OSBPL3: variants seen among roughly 807,000 people sequenced by gnomAD.
The protein encoded by OSBPL3 is oxysterol binding protein like 3.
OSBPL3 carries 65 observed loss-of-function variants against 120.1 expected under a neutral mutation model. The ratio of observed to expected loss-of-function variants is 0.54; its 90% CI spans 0.44 to 0.67. OSBPL3 has a LOEUF of 0.67. Among genes scored for constraint, OSBPL3 ranks in the 30% least tolerant of loss-of-function variants. OSBPL3 has a pLI of 0.00. For synonymous variants in OSBPL3, 416 were observed against 402.6 expected (o/e 1.03, Z -0.40); for missense variants, 1,004 against 1,082.1 (o/e 0.93, Z 1.01).
intron 1 of OSBPL3, among the ~76,000 whole-genome samples, chr7:24,908,533 C>T (rs993303436): frequency 6.6e-6 from 1 of 152,166 alleles, no homozygotes; most frequent in African/African-American, 2.4e-5. Context: ...CTAGATTTCC[C>T]CAAGACTGCT....
Position 24,818,924 on chromosome 7 carries a change from C to A in OSBPL3, c.1948+1251G>T, listed in dbSNP as rs546813190. Reference sequence around the variant, plus strand: ...GGGAAGGATGTAACACAGGAGCACACAAAACTACTTTGAGAAGACCCCTCG... The same window carrying A: ...GGGAAGGATGTAACACAGGAGCACAAAAAACTACTTTGAGAAGACCCCTCG... On this transcript the variant is annotated intron_variant, in intron 17 of 22. Coordinates refer to ENST00000313367, the MANE Select transcript of OSBPL3 (RefSeq NM_015550.4). The surrounding 1 kb of genome is among the most constrained non-coding windows in gnomAD (Gnocchi z 4.0). 6.6e-6 allele frequency among the ~76,000 whole-genome samples: 1 copy of A among 152,008 alleles called. No individual in the cohort carries two copies. Among genetic ancestry groups the A allele is most frequent in the Non-Finnish European group, 1.5e-5 (1 of 68,000 alleles).
At position 24,820,501 on chromosome 7, in the gene OSBPL3, C is replaced by T. The variant is rs1436545138; in HGVS notation, c.1885-263G>A. Among the ~76,000 whole-genome samples the T allele has an allele frequency of 6.6e-6, 1 of 151,914 alleles. No homozygotes were observed. Among genetic ancestry groups the T allele is most frequent in the South Asian group, 2.1e-4 (1 of 4,818 alleles). On this transcript the variant is annotated intron_variant, in intron 16 of 22. Coordinates refer to ENST00000313367, the MANE Select transcript of OSBPL3 (RefSeq NM_015550.4). This position sits in a 1 kb window ranked among gnomAD's most constrained non-coding sequence, Gnocchi z 4.6. ...CCTCCGTGGGAGGGCGGCCAGGTGG[C>T]GAGTGATGAGGATAGAGGCGCATTT...
chr7:24,830,228 G>A lies in OSBPL3; in HGVS notation c.1884+540C>T, dbSNP rs746367574. Among the ~76,000 whole-genome samples the A allele has an allele frequency of 1.1e-4, 16 of 152,100 alleles. No individual in the cohort carries two copies. The highest frequency in any genetic ancestry group is 1.8e-4 in the Non-Finnish European group (12 of 68,012). On this transcript the variant is annotated intron_variant, in intron 16 of 22. Transcript: ENST00000313367. This position sits in a 1 kb window ranked among gnomAD's most constrained non-coding sequence, Gnocchi z 4.4. The stretch of plus-strand genomic sequence containing the variant: ...CAGATGAGGGCAGGGACTCCTGTCC[G>A]GACCCCTCACCCCCCACCCCACTGC...
Position 24,866,100 on chromosome 7 carries a change from A to C in OSBPL3, c.519T>G (p.Ser173=), listed in dbSNP as rs773355038. Residue 173 remains serine, a synonymous_variant, in exon 6 of 23, where the codon TCT becomes TCG. Coordinates refer to ENST00000313367, the MANE Select transcript of OSBPL3 (RefSeq NM_015550.4). ...TACTTGAAATGGAGTCAAACACCCC[A>C]GATGAAGAGTCTGTGATGGTGGACC... ...FSGSTITDSS[S]GVFDSISSRK... The C allele has an allele frequency of 6.2e-7, 1 of 1,613,926 alleles. No homozygotes were observed. The highest frequency in any genetic ancestry group is 8.5e-7 in the Non-Finnish European group (1 of 1,179,788).
Position 24,809,879 on chromosome 7 carries a change from G to A in OSBPL3, c.2245C>T (p.Arg749Trp), listed in dbSNP as rs371721619. 96 of 1,613,960 alleles carry A rather than the reference G, an allele frequency of 5.9e-5. No homozygotes were observed. The highest frequency in any genetic ancestry group is 7.1e-5 in the Non-Finnish European group (84 of 1,179,966). Reference protein sequence around the residue: ...VFDRSGKAVHRLFGKWHESIY... With the variant: ...VFDRSGKAVHWLFGKWHESIY... ...CTTTCATGCCATTTCCCAAACAGCC[G>A]ATGAACCGCTTTTCCACTCCTGTCA... The change falls in exon 20 of 23, where the codon CGG becomes TGG. Residue 749 changes from arginine to tryptophan, a missense_variant. Arg to Trp is a moderately radical substitution (Grantham distance 101, BLOSUM62 -3). This residue lies in a region of OSBPL3 where 473 missense variants were observed against 568.0 expected (regional missense o/e 0.83). Coordinates refer to ENST00000313367, the MANE Select transcript of OSBPL3 (RefSeq NM_015550.4).
At chr7:24,856,979 G>A (rs1239018077) in intron 10 of OSBPL3, among the ~76,000 whole-genome samples, 1 of 152,102 alleles carries the variant, frequency 6.6e-6, no homozygotes, top group Non-Finnish European at 1.5e-5. Flanking sequence ...TAATTGCTCA[G>A]CACATTTATG....
intron 10 of OSBPL3, among the ~76,000 whole-genome samples, chr7:24,859,553 G>T (rs185387981): frequency 6.6e-6 from 1 of 151,970 alleles, no homozygotes; most frequent in Non-Finnish European, 1.5e-5. Flanking sequence ...AAAAAATAAC[G>T]CTGGCCACTC....
rs1809155932 is a variant in OSBPL3, at chr7:24,913,697, G to A, written c.-149-21076C>T. On this transcript the variant is annotated intron_variant, in intron 1 of 22. Transcript: ENST00000313367. The surrounding 1 kb of genome is among the most constrained non-coding windows in gnomAD (Gnocchi z 5.3). Reference sequence around the variant, plus strand: ...CCTCAAAATTTCTCCCTTATCATTTGGCATTTATCTTCATAATAGTTGAAG... The same window carrying A: ...CCTCAAAATTTCTCCCTTATCATTTAGCATTTATCTTCATAATAGTTGAAG... 6.6e-6 allele frequency among the ~76,000 whole-genome samples: 1 copy of A among 152,078 alleles called. No individual in the cohort carries two copies. The highest frequency in any genetic ancestry group is 2.4e-5 in the African/African-American group (1 of 41,398).
rs139984508 is a variant in OSBPL3 at position 24,930,073 on chromosome 7, C to G, written c.-149-37452G>C. Among the ~76,000 whole-genome samples, 12 of 152,200 alleles carry G rather than the reference C, an allele frequency of 7.9e-5. No homozygotes were observed. In the East Asian group the frequency reaches 2.3e-3, roughly 29 times the overall value. ...TAAAGGAAGGAAAATATCATACATT[C>G]TTTATGAGAAAACTTTAGGAGTTAG... On this transcript the variant is annotated intron_variant, in intron 1 of 22. Coordinates refer to ENST00000313367, the MANE Select transcript of OSBPL3 (RefSeq NM_015550.4). The surrounding 1 kb of genome is among the most constrained non-coding windows in gnomAD (Gnocchi z 4.4).
intron 1 of OSBPL3, among the ~76,000 whole-genome samples, chr7:24,919,549 T>G (rs922766087): frequency 6.6e-6 from 1 of 152,060 alleles, no homozygotes; most frequent in African/African-American, 2.4e-5. Context: ...GAGCTAAATC[T>G]ATAAAACTCT....
chr7:24,948,974 CAA>C (rs1175785500), intron 1 of OSBPL3, among the ~76,000 whole-genome samples: 1 of 152,188 alleles, frequency 6.6e-6, no homozygotes, highest in Non-Finnish European at 1.5e-5. Context: ...AATGACTTAT[CAA>C]AAGAGTCTGC....
intron 5 of OSBPL3, among the ~76,000 whole-genome samples, chr7:24,870,439 C>T (rs989854218): frequency 6.6e-6 from 1 of 152,116 alleles, no homozygotes; most frequent in Non-Finnish European, 1.5e-5. Context: ...ATGTTACTGC[C>T]TGGGTGGAGA....
At chr7:24,958,817 G>A (rs760876502) in intron 1 of OSBPL3, among the ~76,000 whole-genome samples, 9 of 152,188 alleles carry the variant, frequency 5.9e-5, no homozygotes, top group Non-Finnish European at 1.2e-4. Context: ...TGTAAATCTA[G>A]TGATGGGGAT....
At chr7:24,861,884 CTT>C (rs11324094) in intron 9 of OSBPL3, 115 bp from the exon 10 acceptor site, 17,223 of 296,820 alleles carry the variant, frequency 0.058, 9 homozygotes, top group South Asian at 0.14. Flanking sequence ...ATAGGTAGGT[CTT>C]TTTTTTTTTT....
At position 24,966,320 on chromosome 7, in the gene OSBPL3, G is replaced by A. The variant is rs907422909; in HGVS notation, c.-150+13566C>T. ...GTCAGACAAAGGTGTCTTATCTGTG[G>A]GTCAGAAAAGGCAGTCATCTAATAT... On this transcript the variant is annotated intron_variant, in intron 1 of 22. Coordinates refer to ENST00000313367, the MANE Select transcript of OSBPL3 (RefSeq NM_015550.4). The surrounding 1 kb of genome is among the most constrained non-coding windows in gnomAD (Gnocchi z 4.8). Among the ~76,000 whole-genome samples the A allele has an allele frequency of 6.6e-6, 1 of 152,000 alleles. No individual in the cohort carries two copies. Among genetic ancestry groups the A allele is most frequent in the African/African-American group, 2.4e-5 (1 of 41,302 alleles).
chr7:24,952,245 TA>T lies in OSBPL3; in HGVS notation c.-150+27640del, dbSNP rs1464626965. The stretch of plus-strand genomic sequence containing the variant: ...GATATTTCATGTGGGTTAGGATCTG[TA>T]ATCTAAACAGAATTAAGAAAAAAAA... On this transcript the variant is annotated intron_variant, in intron 1 of 22. Coordinates refer to ENST00000313367, the MANE Select transcript of OSBPL3 (RefSeq NM_015550.4). This position sits in a 1 kb window ranked among gnomAD's most constrained non-coding sequence, Gnocchi z 4.4. Among the ~76,000 whole-genome samples, 2 of 152,182 alleles carry T rather than the reference TA, an allele frequency of 1.3e-5. No homozygotes were observed. Among genetic ancestry groups the T allele is most frequent in the Non-Finnish European group, 2.9e-5 (2 of 68,032 alleles).
Position 24,821,057 on chromosome 7 carries a change from G to A in OSBPL3, c.1885-819C>T, listed in dbSNP as rs1027730189. Among the ~76,000 whole-genome samples the A allele has an allele frequency of 1.3e-5, 2 of 152,138 alleles. No homozygotes were observed. The highest frequency in any genetic ancestry group is 2.9e-5 in the Non-Finnish European group (2 of 68,026). On this transcript the variant is annotated intron_variant, in intron 16 of 22. Transcript: ENST00000313367. This position sits in a 1 kb window ranked among gnomAD's most constrained non-coding sequence, Gnocchi z 5.5. ...ATTTCCTCATCTCAGTCACACTCAG[G>A]GAACGTTGAGAGGTGTATATGCTGT... is the stretch of plus-strand genomic sequence containing the variant.
chr7:24,975,200 A>G (rs1377774121), intron 1 of OSBPL3, among the ~76,000 whole-genome samples: 1 of 152,216 alleles, frequency 6.6e-6, no homozygotes, highest in Admixed American at 6.5e-5. Context: ...ATAGTACATA[A>G]CATAGGCAAA....
chr7:24,804,668 A>C lies in OSBPL3; in HGVS notation c.2445-231T>G, dbSNP rs1159471493. On this transcript the variant is annotated intron_variant, in intron 21 of 22. Transcript: ENST00000313367. This position sits in a 1 kb window ranked among gnomAD's most constrained non-coding sequence, Gnocchi z 5.4. The stretch of plus-strand genomic sequence containing the variant: ...ATATCTACAAAAAAGAATTTGGGGC[A>C]AAGTCTTCCTTTCTTCCTTGTCTCT... 1.3e-5 allele frequency among the ~76,000 whole-genome samples: 2 copies of C among 152,218 alleles called. No homozygotes were observed. Among genetic ancestry groups the C allele is most frequent in the Non-Finnish European group, 2.9e-5 (2 of 68,034 alleles).
Sources: gnomAD v4.1 joint callset for allele counts (sites outside exome capture counted in the v4.1 genomes callset) on GRCh38, gnomAD v4.1.1 for gene constraint, gnomAD v4.1.1 regional missense constraint, Gnocchi (gnomAD v3.1) non-coding constraint, MANE v1.5 for transcripts, NCBI Gene and HGNC (gene_info 2026-07-23, HGNC 2026-07-21) for gene names.